SULF2: variants seen among roughly 807,000 people sequenced by gnomAD.
The protein encoded by SULF2 is extracellular sulfatase Sulf-2.
In SULF2, 52 loss-of-function variants were observed where a neutral mutation model predicts 107.7. The observed-to-expected ratio is 0.48, with a 90% confidence interval of 0.39 to 0.61. The LOEUF (loss-of-function observed/expected upper bound fraction) is 0.61, where lower values mean the gene tolerates loss of function less well. SULF2 is among the 20% of genes least tolerant of loss of function. The pLI, the probability that SULF2 is intolerant of heterozygous loss-of-function variation, is 0.00. For synonymous variants in SULF2, 460 were observed against 464.3 expected (o/e 0.99, Z 0.12); for missense variants, 993 against 1,177.3 (o/e 0.84, Z 2.29).
At chr20:47,687,497 T>C (rs2088048517) in intron 5 of SULF2, among the ~76,000 whole-genome samples, 1 of 152,116 alleles carries the variant, frequency 6.6e-6, no homozygotes, top group Admixed American at 6.5e-5. Context: ...CTCCACTGTG[T>C]GTCTGGGGCC....
rs756565576 is a variant in SULF2, at chr20:47,773,021, A to C, written c.-101+12322T>G. ...AGGATAGAGATGGGGTGGCGCCTGGACTACACCGGAAACACCATTTCCAAA... is the reference window on the plus strand; with the variant it reads ...AGGATAGAGATGGGGTGGCGCCTGGCCTACACCGGAAACACCATTTCCAAA... On this transcript the variant is annotated intron_variant, in intron 1 of 20. Transcript: ENST00000688720. Among the ~76,000 whole-genome samples, 11 of 152,046 alleles carry C rather than the reference A, an allele frequency of 7.2e-5. 1 individual carries two copies. The highest frequency in any genetic ancestry group is 2.1e-4 in the South Asian group (1 of 4,824).
intron 6 of SULF2, among the ~76,000 whole-genome samples, chr20:47,683,589 G>A (rs1341630288): frequency 2.6e-5 from 4 of 152,264 alleles, no homozygotes; most frequent in Non-Finnish European, 5.9e-5. Flanking sequence ...ATCTGGAAGG[G>A]CGCCGTGTGG....
chr20:47,779,002 G>A (rs2090774145), intron 1 of SULF2, among the ~76,000 whole-genome samples: 1 of 152,154 alleles, frequency 6.6e-6, no homozygotes, highest in Non-Finnish European at 1.5e-5. Context: ...TGAGCTTTCA[G>A]ACATCCAGGT....
chr20:47,772,072 A>AAATG (rs1375263285), intron 1 of SULF2, among the ~76,000 whole-genome samples: 2 of 152,240 alleles, frequency 1.3e-5, no homozygotes, highest in Non-Finnish European at 2.9e-5. Flanking sequence ...CAGAATAAAT[A>AAATG]AATGAATTTT....
intron 5 of SULF2, among the ~76,000 whole-genome samples, chr20:47,687,596 T>C (rs2088052089): frequency 6.6e-6 from 1 of 152,150 alleles, no homozygotes; most frequent in Non-Finnish European, 1.5e-5. Flanking sequence ...GCTGGTGGGC[T>C]GTGTCTGTGG....
intron 2 of SULF2, among the ~76,000 whole-genome samples, chr20:47,738,695 C>T (rs1474037552): frequency 1.3e-5 from 2 of 152,164 alleles, no homozygotes; most frequent in Non-Finnish European, 2.9e-5. Flanking sequence ...TTCTCTCTTG[C>T]CTACCGCCAT....
intron 7 of SULF2, among the ~76,000 whole-genome samples, chr20:47,681,036 C>T (rs1428842545): frequency 6.6e-6 from 1 of 152,176 alleles, no homozygotes; most frequent in Non-Finnish European, 1.5e-5. Flanking sequence ...AGCCTCAGGT[C>T]TTCTGTTCAA....
chr20:47,665,607 C>T lies in SULF2; in HGVS notation c.1902+250G>A, dbSNP rs948963136. On this transcript the variant is annotated intron_variant, in intron 13 of 20. Transcript: ENST00000688720. ...GGGTTTGATGAAAGGCCTCCTGTAG[C>T]GTAGACTTCTTGTAAGTCAAAAGGG... Among the ~76,000 whole-genome samples the T allele has an allele frequency of 2.0e-4, 30 of 152,228 alleles. 1 individual carries two copies. In the South Asian group the frequency reaches 3.9e-3, roughly 20 times the overall value.
Position 47,663,520 on chromosome 20 carries a change from G to T in SULF2, c.2160C>A (p.Cys720Ter). ...LLKRLQNNDT[C>*]SMPGLTCFTH... ...TGAAGCACGTGAGGCCTGGCATGCT[G>T]CACGTGTCGTTGTTCTGCAGGCGCT... The change falls in exon 16 of 21, where the codon TGC (cysteine) becomes TGA (stop). Residue 720 changes from cysteine (C) to a stop codon, truncating the protein, a stop_gained. Transcript: ENST00000688720. LOFTEE classifies it high-confidence loss of function. The T allele has an allele frequency of 6.2e-7, 1 of 1,612,780 alleles. No individual in the cohort carries two copies. The highest frequency in any genetic ancestry group is 8.5e-7 in the Non-Finnish European group (1 of 1,180,020).
At chr20:47,660,101 T>C (rs2087017605) in intron 18 of SULF2, among the ~76,000 whole-genome samples, 1 of 152,216 alleles carries the variant, frequency 6.6e-6, no homozygotes, top group Admixed American at 6.5e-5. Context: ...CCCTTTGGGC[T>C]CTGGGGAAGT....
intron 1 of SULF2, among the ~76,000 whole-genome samples, chr20:47,771,172 G>T (rs1217105146): frequency 6.6e-6 from 1 of 152,162 alleles, no homozygotes; most frequent in African/African-American, 2.4e-5. Context: ...GGCTGTCGGG[G>T]CTGGGCGTTT....
intron 3 of SULF2, among the ~76,000 whole-genome samples, chr20:47,714,213 C>T (rs766946972): frequency 5.9e-5 from 9 of 152,178 alleles, no homozygotes; most frequent in Non-Finnish European, 1.2e-4. Context: ...TCCAGTTGTC[C>T]GCGTGCCTCT....
chr20:47,767,852 T>G (rs2090555010), intron 1 of SULF2, among the ~76,000 whole-genome samples: 1 of 149,772 alleles, frequency 6.7e-6, no homozygotes, highest in Non-Finnish European at 1.5e-5. Flanking sequence ...GCAGGAGAAT[T>G]GAGCTGAGAT....
chr20:47,780,016 T>TC (rs370059490), intron 1 of SULF2, among the ~76,000 whole-genome samples: 5 of 59,738 alleles, frequency 8.4e-5, no homozygotes, highest in African/African-American at 2.9e-4. Flanking sequence ...CCTAGTTGAC[T>TC]TTTTTTTTTT....
intron 2 of SULF2, among the ~76,000 whole-genome samples, chr20:47,756,272 T>C (rs1409631462): frequency 6.6e-6 from 1 of 152,198 alleles, no homozygotes; most frequent in Admixed American, 6.5e-5. Context: ...TCATTCTAAA[T>C]GCTGCCAGGA....
At chr20:47,758,257 C>T (rs1370444655) in intron 1 of SULF2, among the ~76,000 whole-genome samples, 2 of 151,006 alleles carry the variant, frequency 1.3e-5, no homozygotes, top group Non-Finnish European at 2.9e-5. Context: ...CGACCTCTGC[C>T]TCCTGGTGTT....
chr20:47,741,255 C>T (rs2089873351), intron 2 of SULF2, among the ~76,000 whole-genome samples: 2 of 151,492 alleles, frequency 1.3e-5, no homozygotes, highest in South Asian at 4.2e-4. Flanking sequence ...TAACCCCATC[C>T]CCCTCTCCGC....
intron 18 of SULF2, among the ~76,000 whole-genome samples, chr20:47,661,140 C>T (rs2087052584): frequency 6.6e-6 from 1 of 152,090 alleles, no homozygotes. Context: ...ACAGGGTGGC[C>T]CGATGCCCTC....
At chr20:47,720,029 A>C (rs1215908784) in intron 3 of SULF2, among the ~76,000 whole-genome samples, 1 of 152,064 alleles carries the variant, frequency 6.6e-6, no homozygotes, top group African/African-American at 2.4e-5. Flanking sequence ...ACTCACTGCA[A>C]GCTCCACCTC....
Sources: gnomAD v4.1 joint callset for allele counts (sites outside exome capture counted in the v4.1 genomes callset) on GRCh38, gnomAD v4.1.1 for gene constraint, MANE v1.5 for transcripts, NCBI Gene and HGNC (gene_info 2026-07-23, HGNC 2026-07-21) for gene names.